Variants in YME1L1 observed in about 807,000 individuals in gnomAD.
The protein encoded by YME1L1 is YME1 like 1 ATPase.
Under a neutral mutation model 90.4 loss-of-function variants are expected in YME1L1, and 39 were observed. That is an observed-to-expected ratio of 0.43 (90% CI 0.33 to 0.56). The LOEUF (loss-of-function observed/expected upper bound fraction) is 0.56, where lower values mean the gene tolerates loss of function less well. Ranked by LOEUF, YME1L1 falls within the 20% of genes least tolerant of loss-of-function variation. The pLI is 0.03. For synonymous variants in YME1L1, 284 were observed against 287.3 expected (o/e 0.99, Z 0.12); for missense variants, 617 against 868.4 (o/e 0.71, Z 3.64).
chr10:27,117,715 C>A lies in YME1L1; in HGVS notation c.1580G>T (p.Arg527Ile). The change falls in exon 15 of 19, where the codon AGA (arginine) becomes ATA (isoleucine). Residue 527 changes from arginine (R) to isoleucine (I), a missense_variant. Physicochemically the swap from Arg to Ile is moderately conservative, Grantham distance 97 (BLOSUM62 -3). Coordinates refer to ENST00000376016, the MANE Select transcript of YME1L1 (RefSeq NM_014263.4). ...KDKILMGPERRSVEIDNKNKT... is the reference protein window; with the variant it reads ...KDKILMGPERISVEIDNKNKT... The stretch of plus-strand genomic sequence containing the variant: ...GTTTTTGTTATCAATTTCCACACTT[C>A]TTCTTTCAGGCCCTAAGATAAATTT... The A allele has an allele frequency of 6.2e-7, 1 of 1,613,960 alleles. No individual in the cohort carries two copies. The highest frequency in any genetic ancestry group is 1.1e-5 in the South Asian group (1 of 91,066).
chr10:27,132,062 A>G (rs2056982422), intron 7 of YME1L1, 121 bp from the exon 8 acceptor site: 15 of 687,118 alleles, frequency 2.2e-5, no homozygotes, highest in South Asian at 5.9e-5. Flanking sequence ...CTAACTTCAC[A>G]TATCAAATCA....
At chr10:27,150,745 C>T (rs545608795) in intron 1 of YME1L1, among the ~76,000 whole-genome samples, 105 of 152,246 alleles carry the variant, frequency 6.9e-4, no homozygotes, top group African/African-American at 2.5e-3. Flanking sequence ...TAGGGGTCCC[C>T]CTTTCCCTGA....
intron 7 of YME1L1, 111 bp downstream of exon 7, chr10:27,133,928 A>G (rs2057000606): frequency 1.4e-6 from 1 of 718,116 alleles, no homozygotes; most frequent in Non-Finnish European, 2.3e-6. Context: ...GCCTAATTCT[A>G]GTACTGTAAA....
At chr10:27,113,950 TAA>T (rs753554943) in intron 18 of YME1L1, among the ~76,000 whole-genome samples, 3 of 117,558 alleles carry the variant, frequency 2.6e-5, no homozygotes, top group Non-Finnish European at 3.8e-5. Flanking sequence ...TGAGACTCCA[TAA>T]AAAAAAAAAA....
At position 27,148,899 on chromosome 10, in the gene YME1L1, G is replaced by A; in HGVS notation, c.168+7C>T. 6.2e-7 allele frequency: 1 copy of A among 1,613,516 alleles called. No individual in the cohort carries two copies. Among genetic ancestry groups the A allele is most frequent in the Admixed American group, 1.7e-5 (1 of 59,936 alleles). On this transcript the variant is annotated splice_region_variant and intron_variant, in intron 2 of 18. Transcript: ENST00000376016. ...GGCTTTCTCACACAACCAGGATAAA[G>A]ACTTACCTCACTGCTGGGAGCCTCA...
chr10:27,117,740 T>G lies in YME1L1; in HGVS notation c.1568-13A>C, dbSNP rs369764162. On this transcript the variant is annotated splice_polypyrimidine_tract_variant and intron_variant, in intron 14 of 18. Coordinates refer to ENST00000376016, the MANE Select transcript of YME1L1 (RefSeq NM_014263.4). ...CTTCTTTCAGGCCCTAAGATAAATTTAATTGAGTAAATACTCCATTAGAAA... is the reference window on the plus strand; with the variant it reads ...CTTCTTTCAGGCCCTAAGATAAATTGAATTGAGTAAATACTCCATTAGAAA... 9.4e-5 allele frequency: 152 copies of G among 1,612,948 alleles called. No homozygotes were observed. The highest frequency in any genetic ancestry group is 1.3e-4 in the Non-Finnish European group (150 of 1,179,226).
chr10:27,146,745 G>A (rs2057147555), intron 2 of YME1L1: 1 of 152,178 alleles, frequency 6.6e-6, no homozygotes, highest in Admixed American at 6.5e-5. Flanking sequence ...TTTTAAAAGA[G>A]GCATGGACAC....
intron 3 of YME1L1, among the ~76,000 whole-genome samples, chr10:27,143,614 C>T (rs145959003): frequency 2.2e-3 from 333 of 148,466 alleles, no homozygotes; most frequent in African/African-American, 7.7e-3. Flanking sequence ...AGGAGAATGG[C>T]GTGAACTGGG....
chr10:27,147,672 T>C lies in YME1L1; in HGVS notation c.168+1234A>G, dbSNP rs571562991. 3.0e-5 allele frequency: 46 copies of C among 1,548,724 alleles called. No homozygotes were observed. In the Admixed American group the frequency reaches 4.9e-4, roughly 17 times the overall value. The stretch of plus-strand genomic sequence containing the variant: ...TCAGGAAGTCACTGAACATACACTG[T>C]AGGAAGAGAGGTTTTGATTCCTGGT... On this transcript the variant is annotated intron_variant, in intron 2 of 18. Coordinates refer to ENST00000376016, the MANE Select transcript of YME1L1 (RefSeq NM_014263.4).
At chr10:27,147,543 G>A (rs748790412) in intron 2 of YME1L1, 24 of 1,611,068 alleles carry the variant, frequency 1.5e-5, no homozygotes, top group Admixed American at 6.7e-5. Context: ...GCCAGTTATC[G>A]GTTGTGTCCA....
At position 27,149,024 on chromosome 10, in the gene YME1L1, C is replaced by T. The variant is rs929790829; in HGVS notation, c.50G>A (p.Ser17Asn). Residue 17 changes from serine (S) to asparagine (N), a missense_variant, in exon 2 of 19, where the codon AGT (serine) becomes AAT (asparagine). Transcript: ENST00000376016. The part of the protein sequence containing the change: ...TVQPQVTVPL[S>N]HLINAFHTPK... ...TGTATGGAAGGCATTGATGAGATGA[C>T]TCAGAGGAACTGTAACCTAGAAAAA... The T allele has an allele frequency of 6.2e-7, 1 of 1,606,452 alleles. No homozygotes were observed. The highest frequency in any genetic ancestry group is 2.2e-5 in the East Asian group (1 of 44,752).
At chr10:27,141,502 G>A (rs891097732) in intron 4 of YME1L1, among the ~76,000 whole-genome samples, 12 of 151,996 alleles carry the variant, frequency 7.9e-5, no homozygotes, top group Non-Finnish European at 1.3e-4. Context: ...ATACTTTAGC[G>A]AATGTGTAAT....
At chr10:27,149,719 A>ATC (rs2057188227) in intron 1 of YME1L1, among the ~76,000 whole-genome samples, 2 of 131,478 alleles carry the variant, frequency 1.5e-5, no homozygotes, top group South Asian at 5.9e-4. Flanking sequence ...CTCAAAAAAA[A>ATC]AAAAAAAAAA....
In YME1L1 at chr10:27,148,936, T is replaced by C. The variant is rs781719481; in HGVS notation, c.138A>G (p.Val46=). 3.7e-6 allele frequency: 6 copies of C among 1,614,040 alleles called. No individual in the cohort carries two copies. The South Asian group carries it at 5.5e-5, about 15-fold the overall frequency. Residue 46 remains valine (V), a synonymous_variant, in exon 2 of 19, where the codon GTA becomes GTG. Coordinates refer to ENST00000376016, the MANE Select transcript of YME1L1 (RefSeq NM_014263.4). ...VSVSQNQHRD[V]VPEHEAPSSE... ...TGCTGGGAGCCTCATGCTCAGGAAC[T>C]ACATCTCGATGCTGGTTTTGAGAAA... is the stretch of plus-strand genomic sequence containing the variant.
In YME1L1 at chr10:27,111,929, C is replaced by G. The variant is rs757110240; in HGVS notation, c.*48G>C. ...GTAAAAGTAGACTACTGCAATGCTACTTGTATTCTTGCAATAAAACCAGCA... is the reference window on the plus strand; with the variant it reads ...GTAAAAGTAGACTACTGCAATGCTAGTTGTATTCTTGCAATAAAACCAGCA... On this transcript the variant is annotated 3_prime_UTR_variant, in exon 19 of 19. Transcript: ENST00000376016. The G allele has an allele frequency of 6.2e-7, 1 of 1,605,890 alleles. No individual in the cohort carries two copies. Among genetic ancestry groups the G allele is most frequent in the East Asian group, 2.2e-5 (1 of 44,812 alleles).
intron 3 of YME1L1, among the ~76,000 whole-genome samples, chr10:27,144,596 AT>A (rs2057122892): frequency 2.0e-5 from 3 of 152,338 alleles, no homozygotes; most frequent in African/African-American, 7.2e-5. Context: ...GTAAAAAAAA[AT>A]GTAGACATTC....
In YME1L1 at chr10:27,131,908, G is replaced by A; in HGVS notation, c.809C>T (p.Ala270Val). The A allele has an allele frequency of 1.2e-6, 2 of 1,613,302 alleles. No homozygotes were observed. The highest frequency in any genetic ancestry group is 1.7e-6 in the Non-Finnish European group (2 of 1,179,790). Residue 270 changes from alanine (A) to valine (V), a missense_variant, in exon 8 of 19, where the codon GCA becomes GTA. This residue lies in a region of YME1L1 where 311 missense variants were observed against 335.8 expected (regional missense o/e 0.93). Coordinates refer to ENST00000376016, the MANE Select transcript of YME1L1 (RefSeq NM_014263.4). ...RFRTTTGLDS[A>V]VDPVQMKNVT... ...ATTTTTCATCTGGACAGGATCTACTGCAGAATCAAGCCCTGTTGTTGTCCG... is the reference window on the plus strand; with the variant it reads ...ATTTTTCATCTGGACAGGATCTACTACAGAATCAAGCCCTGTTGTTGTCCG...
intron 2 of YME1L1, chr10:27,146,749 T>C (rs1291864111): frequency 6.6e-6 from 1 of 152,232 alleles, no homozygotes; most frequent in Non-Finnish European, 1.5e-5. Flanking sequence ...AAAAGAGGCA[T>C]GGACACGGAT....
intron 4 of YME1L1, among the ~76,000 whole-genome samples, chr10:27,140,440 T>G (rs893434432): frequency 1.3e-5 from 2 of 152,232 alleles, no homozygotes; most frequent in African/African-American, 4.8e-5. Context: ...GTGAGACATT[T>G]AGAAAAGGGT....
Sources: allele counts gnomAD v4.1 joint callset (sites outside exome capture counted in the v4.1 genomes callset), GRCh38; gene constraint gnomAD v4.1.1; regional missense constraint gnomAD v4.1.1; transcripts MANE v1.5; gene names NCBI Gene and HGNC (gene_info 2026-07-23, HGNC 2026-07-21).